The following FOXR1 variants were observed in gnomAD, a reference collection of about 807,000 sequenced individuals.
FOXR1 encodes forkhead box protein R1.
In FOXR1, 25 loss-of-function variants were observed where a neutral mutation model predicts 34.5. That is an observed-to-expected ratio of 0.72 (90% confidence interval 0.53 to 1.01). The LOEUF (loss-of-function observed/expected upper bound fraction) is 1.01, where lower values mean the gene tolerates loss of function less well. Ranked by LOEUF, FOXR1 falls within the 50% of genes least tolerant of loss-of-function variation. The pLI is 0.00. For synonymous variants in FOXR1, 153 were observed against 141.6 expected, an observed-to-expected ratio of 1.08 and a Z score of -0.57; for missense variants, 373 against 376.2, an observed-to-expected ratio of 0.99 and a Z score of 0.07.
intron 1 of FOXR1, among the ~76,000 whole-genome samples, chr11:118,975,667 C>A (rs914362103): frequency 6.6e-6 from 1 of 151,914 alleles, no homozygotes; most frequent in African/African-American, 2.4e-5. Flanking sequence ...AATGACCCAA[C>A]AAAGACAAAA....
intron 1 of FOXR1, among the ~76,000 whole-genome samples, chr11:118,972,611 CTCTT>C (rs148515400): frequency 0.29 from 42,994 of 150,764 alleles, 6,665 homozygotes; most frequent in Admixed American, 0.4. Flanking sequence ...CTTGGATTAA[CTCTT>C]TTTTTTTTTT....
chr11:118,979,090 G>A lies in FOXR1; in HGVS notation c.270G>A (p.Gln90=). The part of the protein sequence containing the change: ...TSTLPSSQPP[Q]KEEDASCSEA... The stretch of plus-strand genomic sequence containing the variant: ...CACTCCCCTCCTCTCAGCCACCCCA[G>A]AAGGAGGAAGATGCCAGCTGCTCAG... Residue 90 remains glutamine, a synonymous_variant, in exon 3 of 6, where the codon CAG becomes CAA. Transcript: ENST00000317011. 1 of 1,607,904 alleles carries A rather than the reference G, an allele frequency of 6.2e-7. No individual in the cohort carries two copies. Among genetic ancestry groups the A allele is most frequent in the Non-Finnish European group, 8.5e-7 (1 of 1,177,322 alleles).
At chr11:118,972,076 C>T (rs2134477014) in intron 1 of FOXR1, 84 bp downstream of exon 1, 1 of 1,298,052 alleles carries the variant, frequency 7.7e-7, no homozygotes, top group Middle Eastern at 2.4e-4. Flanking sequence ...GCAGACGGCT[C>T]CCCAGCCTTC....
chr11:118,976,048 C>T (rs1225149910), intron 1 of FOXR1, among the ~76,000 whole-genome samples: 1 of 152,092 alleles, frequency 6.6e-6, no homozygotes, highest in African/African-American at 2.4e-5. Flanking sequence ...AGGGAGTTAG[C>T]CAGAAAGACA....
rs1004780669 is a variant in FOXR1, at chr11:118,978,280, G to A, written c.62-502G>A. 8.6e-5 allele frequency among the ~76,000 whole-genome samples: 13 copies of A among 151,978 alleles called. 1 individual carries two copies. The highest frequency in any genetic ancestry group is 5.9e-4 in the Admixed American group (9 of 15,250). On this transcript the variant is annotated intron_variant, in intron 1 of 5. Coordinates refer to ENST00000317011, the MANE Select transcript of FOXR1 (RefSeq NM_181721.3). ...CATGTACCTGTAGTTCCAGCTACCT[G>A]GGAGACTGAGGTGGGAGAATCTCTT...
chr11:118,978,923 T>A (rs1941811806), intron 2 of FOXR1, 34 bp from the exon 3 acceptor site: 1 of 1,613,550 alleles, frequency 6.2e-7, no homozygotes. Context: ...CCAAAGCCAG[T>A]GGGCTGTGGC....
chr11:118,973,691 G>C (rs187855229), intron 1 of FOXR1, among the ~76,000 whole-genome samples: 1 of 141,106 alleles, frequency 7.1e-6, no homozygotes, highest in African/African-American at 2.6e-5. Context: ...CACCGCACCC[G>C]GCCTTCTTTT....
intron 1 of FOXR1, among the ~76,000 whole-genome samples, chr11:118,973,914 T>C (rs1327310196): frequency 6.6e-6 from 1 of 151,178 alleles, no homozygotes; most frequent in Non-Finnish European, 1.5e-5. Flanking sequence ...GCCAGGCTGG[T>C]CTCAAACTCC....
chr11:118,978,772 T>G lies in FOXR1; in HGVS notation c.62-10T>G, dbSNP rs1941808512. ...GATGTTTTGACTCTCTCTGTCTTTC[T>G]TTTTGCCAGTTGCCAGGTATAAACT... On this transcript the variant is annotated splice_polypyrimidine_tract_variant and intron_variant, in intron 1 of 5. Coordinates refer to ENST00000317011, the MANE Select transcript of FOXR1 (RefSeq NM_181721.3). 6.2e-7 allele frequency: 1 copy of G among 1,614,064 alleles called. No individual in the cohort carries two copies. Among genetic ancestry groups the G allele is most frequent in the African/African-American group, 1.3e-5 (1 of 74,930 alleles).
At chr11:118,976,981 G>GCTGT (rs146406223) in intron 1 of FOXR1, among the ~76,000 whole-genome samples, 3,252 of 145,676 alleles carry the variant, frequency 0.022, 113 homozygotes, top group African/African-American at 0.076. Flanking sequence ...TTGAAGTTTT[G>GCTGT]CTATTTTGTT....
Position 118,979,161 on chromosome 11 carries a change from C to T in FOXR1, c.341C>T (p.Ser114Phe), listed in dbSNP as rs1444049291. Residue 114 changes from serine (S) to phenylalanine (F), a missense_variant, in exon 3 of 6, where the codon TCT becomes TTT. Coordinates refer to ENST00000317011, the MANE Select transcript of FOXR1 (RefSeq NM_181721.3). The part of the protein sequence containing the change: ...ESLSQSSSKR[S>F]PPRKRFAFSP... ...CTGTCCCAGTCCTCCAGCAAGCGGTCTCCCCCTCGGAAGCGGTTTGCCTTT... is the reference window on the plus strand; with the variant it reads ...CTGTCCCAGTCCTCCAGCAAGCGGTTTCCCCCTCGGAAGCGGTTTGCCTTT... 1.3e-6 allele frequency: 2 copies of T among 1,556,780 alleles called. No homozygotes were observed. Among genetic ancestry groups the T allele is most frequent in the Non-Finnish European group, 8.7e-7 (1 of 1,155,184 alleles).
chr11:118,980,111 A>G, intron 4 of FOXR1: 1 of 485,524 alleles, frequency 2.1e-6, no homozygotes. Context: ...AGTCCTGCTC[A>G]CAGGAGGGTG....
rs145428087 is a variant in FOXR1 at position 118,974,785 on chromosome 11, G to A, written c.61+2793G>A. Among the ~76,000 whole-genome samples the A allele has an allele frequency of 1.6e-3, 241 of 152,282 alleles. 2 individuals are homozygous for A. Among genetic ancestry groups the A allele is most frequent in the African/African-American group, 5.4e-3 (224 of 41,568 alleles). Reference sequence around the variant, plus strand: ...GGGTAGTAGCAGGGAGAACCAGCTGGCTATGCTGATGGATTGGATATGGCG... The same window carrying A: ...GGGTAGTAGCAGGGAGAACCAGCTGACTATGCTGATGGATTGGATATGGCG... On this transcript the variant is annotated intron_variant, in intron 1 of 5. Coordinates refer to ENST00000317011, the MANE Select transcript of FOXR1 (RefSeq NM_181721.3).
chr11:118,975,517 AGCCTT>A (rs1201709382), intron 1 of FOXR1, among the ~76,000 whole-genome samples: 1 of 151,232 alleles, frequency 6.6e-6, no homozygotes, highest in Non-Finnish European at 1.5e-5. Flanking sequence ...AGCCTTGAGC[AGCCTT>A]GAGCAGCCTT....
rs905609894 is a variant in FOXR1 at position 118,975,794 on chromosome 11, A to G, written c.62-2988A>G. ...ACAAAGGTGCTATCCTTGGGTCGCA[A>G]TGAGATCACCAGTCCATTGATCCTA... On this transcript the variant is annotated intron_variant, in intron 1 of 5. Coordinates refer to ENST00000317011, the MANE Select transcript of FOXR1 (RefSeq NM_181721.3). 5.9e-5 allele frequency among the ~76,000 whole-genome samples: 9 copies of G among 152,220 alleles called. No individual in the cohort carries two copies. The South Asian group carries it at 6.2e-4, about 10-fold the overall frequency.
rs201645538 is a variant in FOXR1 at position 118,980,611 on chromosome 11, C to A, written c.733C>A (p.Arg245=). The A allele has an allele frequency of 3.1e-6, 5 of 1,614,122 alleles. No individual in the cohort carries two copies. Among genetic ancestry groups the A allele is most frequent in the Middle Eastern group, 1.6e-4 (1 of 6,084 alleles). ...CAGCATGCAGGGCGGGGCCAGCACACGGCCTCGATCTTGCCTCTGGAAGTT... is the reference window on the plus strand; with the variant it reads ...CAGCATGCAGGGCGGGGCCAGCACAAGGCCTCGATCTTGCCTCTGGAAGTT... ...PVSMQGGAST[R]PRSCLWKLTE... The change falls in exon 5 of 6, where the codon CGG becomes AGG. Residue 245 remains arginine (R), a synonymous_variant. Transcript: ENST00000317011.
intron 4 of FOXR1, 138 bp downstream of exon 4, chr11:118,979,806 C>A: frequency 1.4e-6 from 1 of 729,498 alleles, no homozygotes; most frequent in African/African-American, 1.8e-5. Context: ...GTTCCCAGTT[C>A]CCTTTTCCCA....
Position 118,979,514 on chromosome 11 carries a change from G to GC in FOXR1, c.463dup (p.Leu155ProfsTer78). ...GGCTCTCCCATCCCCTCACAAAAGG[G>GC]CCCCCCTCCAGAGTCGGAGGCTTCG... On this transcript the variant is annotated frameshift_variant, in exon 4 of 6. Transcript: ENST00000317011. LOFTEE classifies it high-confidence loss of function. 1.9e-6 allele frequency: 3 copies of GC among 1,613,276 alleles called. No individual in the cohort carries two copies. The highest frequency in any genetic ancestry group is 1.3e-5 in the African/African-American group (1 of 74,998).
In FOXR1 at chr11:118,971,763, A is replaced by C; in HGVS notation, c.-169A>C. 2.9e-6 allele frequency: 2 copies of C among 688,536 alleles called. No individual in the cohort carries two copies. The highest frequency in any genetic ancestry group is 5.1e-6 in the Non-Finnish European group (2 of 392,098). 42.7% of individuals were successfully genotyped at this position (688,536 alleles called of 1,614,324 possible). A position where few individuals can be genotyped will look rare whatever the true frequency, so the allele number is the denominator to read the frequency against. ...AAGCTAACTCAATCCGAGCCGGCGC[A>C]TTTGAGAAGGCGCCTGTGAGGGTCG... On this transcript the variant is annotated 5_prime_UTR_variant, in exon 1 of 6. Transcript: ENST00000317011.
Sources: allele counts gnomAD v4.1 joint callset (sites outside exome capture counted in the v4.1 genomes callset), GRCh38; gene constraint gnomAD v4.1.1; transcripts MANE v1.5; gene names NCBI Gene and HGNC (gene_info 2026-07-23, HGNC 2026-07-21).